Variants in UBAC2 observed in about 807,000 individuals in gnomAD.
UBAC2 encodes ubiquitin-associated domain-containing protein 2.
In UBAC2, 26 loss-of-function variants were observed where a neutral mutation model predicts 44.0. The ratio of observed to expected loss-of-function variants is 0.59; its 90% CI spans 0.43 to 0.82. The LOEUF is 0.82. Ranked by LOEUF, UBAC2 falls within the 40% of genes least tolerant of loss-of-function variation. The pLI is 0.00. For missense variants in UBAC2, 329 were observed against 419.4 expected (o/e 0.78, Z 1.88); for synonymous variants, 155 against 154.3 (o/e 1.00, Z -0.04).
At chr13:99,218,739 A>G (rs543968446) in intron 1 of UBAC2, among the ~76,000 whole-genome samples, 1 of 152,232 alleles carries the variant, frequency 6.6e-6, no homozygotes, top group Non-Finnish European at 1.5e-5. Context: ...TTTTACTTCT[A>G]AACACTGTAG....
chr13:99,291,806 A>G (rs2044092265), intron 4 of UBAC2, among the ~76,000 whole-genome samples: 1 of 152,230 alleles, frequency 6.6e-6, no homozygotes, highest in Non-Finnish European at 1.5e-5. Flanking sequence ...TAAGAACTTC[A>G]CAGATATTTC....
intron 6 of UBAC2, among the ~76,000 whole-genome samples, chr13:99,338,215 G>T (rs1204749770): frequency 6.6e-6 from 1 of 151,476 alleles, no homozygotes; most frequent in African/African-American, 2.4e-5. Flanking sequence ...GTGCCACCAC[G>T]CCCGGCTAAT....
intron 4 of UBAC2, among the ~76,000 whole-genome samples, chr13:99,282,802 T>G (rs2043971254): frequency 6.6e-6 from 1 of 152,250 alleles, no homozygotes; most frequent in Non-Finnish European, 1.5e-5. Flanking sequence ...TTCAAAATGC[T>G]AACCATGTCT....
intron 8 of UBAC2, among the ~76,000 whole-genome samples, chr13:99,382,114 C>A (rs898836885): frequency 3.3e-5 from 5 of 152,074 alleles, no homozygotes; most frequent in African/African-American, 1.2e-4. Flanking sequence ...TTTGACCTGA[C>A]GTGTTTGACA....
chr13:99,340,526 C>A lies in UBAC2; in HGVS notation c.768C>A (p.Phe256Leu). Residue 256 changes from phenylalanine to leucine, a missense_variant, in exon 7 of 9, where the codon TTC (phenylalanine) becomes TTA (leucine). By Grantham distance (22) the Phe-to-Leu change is conservative. Coordinates refer to ENST00000403766, the MANE Select transcript of UBAC2 (RefSeq NM_001144072.2). ...RMELLDRQLM[F>L]SQFAQGRRQR... ...AGCTGCTGGACCGGCAGCTGATGTT[C>A]TCTCAGTTTGCACAAGGGAGGCGAC... The A allele has an allele frequency of 6.2e-7, 1 of 1,614,152 alleles. No individual in the cohort carries two copies. Among genetic ancestry groups the A allele is most frequent in the East Asian group, 2.2e-5 (1 of 44,886 alleles).
chr13:99,226,221 T>C (rs1439235230), intron 1 of UBAC2, among the ~76,000 whole-genome samples: 10 of 152,188 alleles, frequency 6.6e-5, no homozygotes, highest in Non-Finnish European at 1.3e-4. Context: ...GCCCAGATCT[T>C]GTAGGTAGGA....
intron 1 of UBAC2, among the ~76,000 whole-genome samples, chr13:99,210,558 A>G (rs1287180993): frequency 2.8e-5 from 4 of 144,734 alleles, no homozygotes; most frequent in East Asian, 2.0e-4. Flanking sequence ...GCTTGCTGCA[A>G]CCTCCGCCTC....
At chr13:99,324,675 A>G (rs2044614167) in intron 6 of UBAC2, among the ~76,000 whole-genome samples, 1 of 152,176 alleles carries the variant, frequency 6.6e-6, no homozygotes, top group African/African-American at 2.4e-5. Context: ...AGATGAAGAA[A>G]CTGAGGCACA....
intron 7 of UBAC2, chr13:99,351,365 T>A (rs2045085213): frequency 2.8e-6 from 1 of 357,662 alleles, no homozygotes; most frequent in African/African-American, 2.1e-5. Context: ...TTTTGTACAA[T>A]CTGAAGCTAG....
chr13:99,332,604 C>T (rs1479586460), intron 6 of UBAC2, among the ~76,000 whole-genome samples: 1 of 152,180 alleles, frequency 6.6e-6, no homozygotes, highest in Non-Finnish European at 1.5e-5. Context: ...GTTGCGTGAC[C>T]ATGTGTCCCC....
At chr13:99,376,940 A>G (rs545933571) in intron 8 of UBAC2, 1 of 152,384 alleles carries the variant, frequency 6.6e-6, no homozygotes, top group East Asian at 1.9e-4. Flanking sequence ...CTGCAAGCCC[A>G]TGAAGCCAAC....
chr13:99,227,234 T>C (rs1202546051), intron 1 of UBAC2, among the ~76,000 whole-genome samples: 2 of 149,538 alleles, frequency 1.3e-5, no homozygotes, highest in African/African-American at 4.9e-5. Flanking sequence ...ACGGCACCCC[T>C]CCTTCCCCGG....
At position 99,340,584 on chromosome 13, in the gene UBAC2, A is replaced by G; in HGVS notation, c.807+19A>G. 6.3e-7 allele frequency: 1 copy of G among 1,598,414 alleles called. No homozygotes were observed. The highest frequency in any genetic ancestry group is 8.5e-7 in the Non-Finnish European group (1 of 1,170,362). On this transcript the variant is annotated intron_variant, in intron 7 of 8. Transcript: ENST00000403766. ...GCAGCAGGTAAAAGTGATAATAATC[A>G]CTAAAAATTTAGAAATTCTCAGTGG...
At chr13:99,268,853 G>A (rs556566773) in intron 4 of UBAC2, among the ~76,000 whole-genome samples, 3 of 152,208 alleles carry the variant, frequency 2.0e-5, no homozygotes, top group East Asian at 1.9e-4. Context: ...TCAGGATGGG[G>A]TGGAGATGGA....
intron 6 of UBAC2, among the ~76,000 whole-genome samples, chr13:99,339,773 A>G (rs116377678): frequency 0.01 from 1,540 of 152,348 alleles, 30 homozygotes; most frequent in African/African-American, 0.036. Flanking sequence ...AATGGAACTA[A>G]TATTGGTGAG....
At chr13:99,382,796 G>C (rs893352292) in intron 8 of UBAC2, among the ~76,000 whole-genome samples, 1 of 152,102 alleles carries the variant, frequency 6.6e-6, no homozygotes, top group Non-Finnish European at 1.5e-5. Context: ...CATGGAAAAA[G>C]GCAGGGGCCC....
chr13:99,232,773 A>C (rs1034122831), intron 1 of UBAC2, among the ~76,000 whole-genome samples: 1 of 151,918 alleles, frequency 6.6e-6, no homozygotes, highest in Admixed American at 6.6e-5. Flanking sequence ...ACAAAAAAAC[A>C]AAAACAACGA....
At chr13:99,338,051 T>TTTC (rs2044823064) in intron 6 of UBAC2, among the ~76,000 whole-genome samples, 1 of 57,904 alleles carries the variant, frequency 1.7e-5, no homozygotes, top group African/African-American at 5.8e-5. Flanking sequence ...TTTTTTCTTT[T>TTTC]TTTTTTTTTT....
At chr13:99,208,652 G>C (rs951888371) in intron 1 of UBAC2, among the ~76,000 whole-genome samples, 1 of 152,192 alleles carries the variant, frequency 6.6e-6, no homozygotes, top group African/African-American at 2.4e-5. Flanking sequence ...AAAGCGGTGT[G>C]ACAGGCTTCT....
Sources: gnomAD v4.1 joint callset for allele counts (sites outside exome capture counted in the v4.1 genomes callset) on GRCh38, gnomAD v4.1.1 for gene constraint, MANE v1.5 for transcripts, NCBI Gene and HGNC (gene_info 2026-07-23, HGNC 2026-07-21) for gene names.